The following PARG variants were observed in gnomAD, a reference collection of about 807,000 sequenced individuals.
The protein encoded by PARG is mitochondrial poly(ADP-ribose) glycohydrolase.
PARG carries 35 observed loss-of-function variants against 113.0 expected under a neutral mutation model. The ratio of observed to expected loss-of-function variants is 0.31; its 90% confidence interval spans 0.24 to 0.41. The LOEUF (loss-of-function observed/expected upper bound fraction) is 0.41, where lower values mean the gene tolerates loss of function less well. Among genes scored for constraint, PARG ranks in the 10% least tolerant of loss-of-function variants. The pLI, the probability that PARG is intolerant of heterozygous loss-of-function variation, is 1.00. For missense variants in PARG, 797 were observed against 1,169.4 expected (o/e 0.68, Z 4.64); for synonymous variants, 330 against 409.9 (o/e 0.81, Z 2.36).
chr10:49,850,326 A>AT (rs1475039327), intron 13 of PARG, among the ~76,000 whole-genome samples: 4 of 144,144 alleles, frequency 2.8e-5, no homozygotes, highest in African/African-American at 1.0e-4. Flanking sequence ...CTCACTGGAC[A>AT]TCATTCCATC....
In PARG at chr10:49,841,946, T is replaced by G; in HGVS notation, c.2541+4A>C. 1 of 1,529,482 alleles carries G rather than the reference T, an allele frequency of 6.5e-7. No individual in the cohort carries two copies. Among genetic ancestry groups the G allele is most frequent in the Non-Finnish European group, 8.8e-7 (1 of 1,131,668 alleles). The allele number at this position is 1,529,482 out of a possible 1,614,324, so 94.7% of individuals were successfully genotyped here. ...CAGATGAACTAAGAAATAAGGTTAC[T>G]GGCCTTGTTCAGCTCGCGTCTCATT... is the stretch of plus-strand genomic sequence containing the variant. On this transcript the variant is annotated splice_donor_region_variant and intron_variant, in intron 15 of 17. Transcript: ENST00000616448.
intron 13 of PARG, 40 bp from the exon 14 acceptor site, chr10:49,843,672 T>G: frequency 7.7e-7 from 1 of 1,298,660 alleles, no homozygotes; most frequent in Non-Finnish European, 1.1e-6. Context: ...TCACACTTGA[T>G]GGCAAAAACA....
intron 7 of PARG, among the ~76,000 whole-genome samples, chr10:49,910,373 A>G (rs4012652): frequency 0.19 from 28,938 of 152,244 alleles, 3,287 homozygotes; most frequent in Non-Finnish European, 0.27. Flanking sequence ...TGTGGTTTAC[A>G]AAGAGAAACA....
In PARG at chr10:49,879,753, A is replaced by T; in HGVS notation, c.1908T>A (p.Asn636Lys). Residue 636 changes from asparagine (N) to lysine (K), a missense_variant, in exon 9 of 18, where the codon AAT (asparagine) becomes AAA (lysine). Coordinates refer to ENST00000616448, the MANE Select transcript of PARG (RefSeq NM_003631.5). ...SQEQIASLLA[N>K]AFFCTFPRRN... ...GTCGTGGAAATGTGCAGAAGAAAGC[A>T]TTAGCTAAAAGACTGGCAATCTGTT... is the stretch of plus-strand genomic sequence containing the variant. 6.4e-7 allele frequency: 1 copy of T among 1,560,778 alleles called. No individual in the cohort carries two copies. Among genetic ancestry groups the T allele is most frequent in the Non-Finnish European group, 8.7e-7 (1 of 1,146,492 alleles).
chr10:49,891,215 G>A (rs1353422061), intron 7 of PARG, among the ~76,000 whole-genome samples: 1 of 152,204 alleles, frequency 6.6e-6, no homozygotes, highest in East Asian at 1.9e-4. Flanking sequence ...TCGGGAGGCG[G>A]AAGCAGGAGA....
At chr10:49,849,192 T>C (rs1341721196) in intron 13 of PARG, among the ~76,000 whole-genome samples, 1 of 148,934 alleles carries the variant, frequency 6.7e-6, no homozygotes, top group Non-Finnish European at 1.5e-5. Flanking sequence ...CGAAACTCCG[T>C]CTCAAAAAAA....
At position 49,919,095 on chromosome 10, in the gene PARG, C is replaced by T. The variant is rs1381674761; in HGVS notation, c.1663-3104G>A. On this transcript the variant is annotated intron_variant, in intron 6 of 17. Coordinates refer to ENST00000616448, the MANE Select transcript of PARG (RefSeq NM_003631.5). ...AGCGGGCATTACAGGCACCCACCAC[C>T]GTGCCCGGCTAATTTTTATATTTTT... is the stretch of plus-strand genomic sequence containing the variant. Among the ~76,000 whole-genome samples the T allele has an allele frequency of 8.5e-5, 13 of 152,162 alleles. 1 individual carries two copies. The highest frequency in any genetic ancestry group is 2.9e-4 in the African/African-American group (12 of 41,512).
chr10:49,859,679 T>G (rs1470883602), intron 12 of PARG, among the ~76,000 whole-genome samples: 1 of 152,172 alleles, frequency 6.6e-6, no homozygotes, highest in Non-Finnish European at 1.5e-5. Flanking sequence ...TACTACTTGA[T>G]AATGATGATG....
chr10:49,934,111 C>T lies in PARG; in HGVS notation c.337G>A (p.Val113Ile), dbSNP rs1838626481. Residue 113 changes from valine to isoleucine, a missense_variant, in exon 3 of 18, where the codon GTA becomes ATA. Val to Ile is a conservative substitution (Grantham distance 29, BLOSUM62 3). Around this residue, in one of 5 missense-constraint regions of PARG, gnomAD observed 284 missense variants for 306.1 expected, o/e 0.93. Coordinates refer to ENST00000616448, the MANE Select transcript of PARG (RefSeq NM_003631.5). ...TGTTGGTAAAAGTTATCTTTTTGTA[C>T]AGAACTCATCATGGATTCTATTCTT... ...NTRIESMMSS[V>I]QKDNFYQHNV... 8.2e-7 allele frequency: 1 copy of T among 1,214,486 alleles called. No homozygotes were observed. Among genetic ancestry groups the T allele is most frequent in the African/African-American group, 1.5e-5 (1 of 67,248 alleles). The allele number at this position is 1,214,486 out of a possible 1,614,324, so 75.2% of individuals were successfully genotyped here.
chr10:49,897,852 C>A (rs556236452), intron 7 of PARG, among the ~76,000 whole-genome samples: 7 of 152,258 alleles, frequency 4.6e-5, no homozygotes, highest in African/African-American at 1.7e-4. Flanking sequence ...ATTAGCTGAG[C>A]ATTGTGGCCC....
intron 8 of PARG, among the ~76,000 whole-genome samples, chr10:49,881,244 A>G (rs1227236784): frequency 6.6e-6 from 1 of 152,156 alleles, no homozygotes; most frequent in Admixed American, 6.6e-5. Flanking sequence ...AAATGTATAA[A>G]GCCAAGCCTG....
At chr10:49,848,577 A>C (rs1845618167) in intron 13 of PARG, among the ~76,000 whole-genome samples, 2 of 145,498 alleles carry the variant, frequency 1.4e-5, no homozygotes, top group Non-Finnish European at 3.1e-5. Context: ...CTAAAAATCA[A>C]GAAAATAACT....
At chr10:49,904,500 T>C (rs1303412538) in intron 7 of PARG, among the ~76,000 whole-genome samples, 4 of 151,744 alleles carry the variant, frequency 2.6e-5, no homozygotes, top group Admixed American at 6.6e-5. Flanking sequence ...GGTTCATCAA[T>C]TGTAGCAAAT....
rs1846516859 is a variant in PARG, at chr10:49,866,418, T to C, written c.2069-1037A>G. Among the ~76,000 whole-genome samples, 3 of 152,138 alleles carry C rather than the reference T, an allele frequency of 2.0e-5. No individual in the cohort carries two copies. In the South Asian group the frequency reaches 6.2e-4, roughly 32 times the overall value. On this transcript the variant is annotated intron_variant, in intron 10 of 17. Coordinates refer to ENST00000616448, the MANE Select transcript of PARG (RefSeq NM_003631.5). ...CAAAAACCATATGGAGCAGTTGCAG[T>C]AGAAAACAAATTTTTTTGTTAAGAT...
chr10:49,891,590 CATATATATATATATATATATAT>C (rs1211471476), intron 7 of PARG, among the ~76,000 whole-genome samples: 2 of 48,616 alleles, frequency 4.1e-5, no homozygotes, highest in African/African-American at 2.4e-4. Flanking sequence ...TCCTATGGTC[CATATATATATATATATATATAT>C]ATATATATAT....
chr10:49,930,166 T>C (rs1430116686), intron 4 of PARG, among the ~76,000 whole-genome samples: 1 of 152,110 alleles, frequency 6.6e-6, no homozygotes, highest in African/African-American at 2.4e-5. Flanking sequence ...GGTTCAAATG[T>C]GGAATTAAGC....
rs781969108 is a variant in PARG at position 49,836,356 on chromosome 10, G to GGT, written c.2542-3450_2542-3449dup. ...TTTTTTAGCCCAGGCTGGGTTCAGTGGTGTGATCCTAGCTCACTGCAAACT... is the reference window on the plus strand; with the variant it reads ...TTTTTTAGCCCAGGCTGGGTTCAGTGGTGTGTGATCCTAGCTCACTGCAAACT... On this transcript the variant is annotated intron_variant, in intron 15 of 17. Transcript: ENST00000616448. 6.7e-5 allele frequency among the ~76,000 whole-genome samples: 8 copies of GGT among 119,142 alleles called. No individual in the cohort carries two copies. In the East Asian group the frequency reaches 1.8e-3, roughly 26 times the overall value. 78.2% of individuals were successfully genotyped at this position (119,142 alleles called of 152,430 possible). A position where few individuals can be genotyped will look rare whatever the true frequency, so the allele number is the denominator to read the frequency against.
At chr10:49,888,917 G>A (rs555841003) in intron 7 of PARG, among the ~76,000 whole-genome samples, 230 of 152,170 alleles carry the variant, frequency 1.5e-3, no homozygotes, top group African/African-American at 5.3e-3. Flanking sequence ...TGTTCAGACT[G>A]AGTAATTTCT....
chr10:49,857,577 T>C (rs1846055944), intron 12 of PARG, 124 bp from the exon 13 acceptor site: 2 of 598,608 alleles, frequency 3.3e-6, no homozygotes, highest in Non-Finnish European at 3.0e-6. Flanking sequence ...AAATAAGTAA[T>C]CTTCCCAGGA....
Sources: allele counts gnomAD v4.1 joint callset (sites outside exome capture counted in the v4.1 genomes callset), GRCh38; gene constraint gnomAD v4.1.1; regional missense constraint gnomAD v4.1.1; transcripts MANE v1.5; gene names NCBI Gene and HGNC (gene_info 2026-07-23, HGNC 2026-07-21).